SPECC1: variants seen among roughly 807,000 people sequenced by gnomAD.
SPECC1 encodes the protein sperm antigen with calponin homology and coiled-coil domains 1.
In SPECC1, 62 loss-of-function variants were observed where a neutral mutation model predicts 104.1. The ratio of observed to expected loss-of-function variants is 0.60; its 90% CI spans 0.49 to 0.74. The LOEUF is 0.74. Ranked by LOEUF, SPECC1 falls within the 30% of genes least tolerant of loss-of-function variation. SPECC1 has a pLI of 0.00. For synonymous variants in SPECC1, 513 were observed against 501.6 expected (o/e 1.02, Z -0.30); for missense variants, 1,306 against 1,310.5 (o/e 1.00, Z 0.05).
chr17:20,097,448 G>C (rs74333705), intron 2 of SPECC1, among the ~76,000 whole-genome samples: 17,062 of 152,246 alleles, frequency 0.11, 973 homozygotes, highest in Non-Finnish European at 0.13. Context: ...TATTAGCATG[G>C]ATTTCCATCT....
chr17:20,160,279 G>C (rs542286439), intron 3 of SPECC1, among the ~76,000 whole-genome samples: 17 of 152,278 alleles, frequency 1.1e-4, no homozygotes, highest in Admixed American at 9.8e-4. Context: ...ACTCAGGCTG[G>C]TGGATGCTCC....
At chr17:20,123,724 C>T (rs2049149556) in intron 3 of SPECC1, among the ~76,000 whole-genome samples, 2 of 152,186 alleles carry the variant, frequency 1.3e-5, no homozygotes, top group Non-Finnish European at 2.9e-5. Flanking sequence ...GACTTGTTTT[C>T]TTCCCTCATC....
chr17:20,076,763 A>G (rs1010748587), intron 1 of SPECC1, among the ~76,000 whole-genome samples: 4 of 152,184 alleles, frequency 2.6e-5, no homozygotes, highest in African/African-American at 9.7e-5. Context: ...TTGCTAAATT[A>G]CTTTATATCA....
chr17:20,138,192 G>C (rs2030265383), intron 3 of SPECC1, among the ~76,000 whole-genome samples: 1 of 152,096 alleles, frequency 6.6e-6, no homozygotes, highest in South Asian at 2.1e-4. Context: ...TTGAACTCAT[G>C]TTCAATCAAT....
chr17:20,047,659 G>A (rs757467444), intron 1 of SPECC1, among the ~76,000 whole-genome samples: 3 of 151,772 alleles, frequency 2.0e-5, no homozygotes, highest in East Asian at 1.9e-4. Flanking sequence ...GTGCAGTGGC[G>A]TGATCTCGGC....
chr17:20,292,763 G>A (rs2041215407), intron 12 of SPECC1, among the ~76,000 whole-genome samples: 1 of 152,194 alleles, frequency 6.6e-6, no homozygotes, highest in South Asian at 2.1e-4. Context: ...CCCAACAAAA[G>A]GCATCCTCAG....
intron 1 of SPECC1, among the ~76,000 whole-genome samples, chr17:20,083,987 T>A (rs1222154599): frequency 3.3e-5 from 5 of 152,254 alleles, no homozygotes; most frequent in Non-Finnish European, 2.9e-5. Flanking sequence ...TGACTAATGA[T>A]GTCAAGCATT....
At chr17:20,049,490 T>C (rs993708500) in intron 1 of SPECC1, among the ~76,000 whole-genome samples, 1 of 152,234 alleles carries the variant, frequency 6.6e-6, no homozygotes, top group Non-Finnish European at 1.5e-5. Flanking sequence ...GTGAACTACC[T>C]GTTCATTACC....
intron 4 of SPECC1, among the ~76,000 whole-genome samples, chr17:20,216,744 G>A (rs1429149312): frequency 1.3e-5 from 2 of 152,170 alleles, no homozygotes; most frequent in Non-Finnish European, 1.5e-5. Context: ...CATATCTACA[G>A]AAAGTTGATC....
chr17:20,090,614 T>G lies in SPECC1; in HGVS notation c.-21-6017T>G, dbSNP rs190365643. Among the ~76,000 whole-genome samples, 278 of 152,006 alleles carry G rather than the reference T, an allele frequency of 1.8e-3. 2 individuals carry two copies. Among genetic ancestry groups the G allele is most frequent in the Admixed American group, 3.7e-3 (57 of 15,282 alleles). ...TCCAAAAAAAAAAAAAAAGGGCTCT[T>G]ATTTTATTTCCATCTCCTTTTCCTA... is the stretch of plus-strand genomic sequence containing the variant. On this transcript the variant is annotated intron_variant, in intron 1 of 14. Coordinates refer to ENST00000395527, the MANE Select transcript of SPECC1 (RefSeq NM_001243439.2).
At chr17:20,262,064 A>G (rs761835011) in intron 12 of SPECC1, among the ~76,000 whole-genome samples, 8 of 152,258 alleles carry the variant, frequency 5.3e-5, no homozygotes, top group Non-Finnish European at 8.8e-5. Context: ...ATAAAAAACT[A>G]TGTAATATTT....
At chr17:20,301,549 G>A (rs1229636945) in intron 13 of SPECC1, among the ~76,000 whole-genome samples, 3 of 152,086 alleles carry the variant, frequency 2.0e-5, no homozygotes, top group Non-Finnish European at 4.4e-5. Context: ...AAATTATGAG[G>A]TGTCCCCACC....
intron 3 of SPECC1, among the ~76,000 whole-genome samples, chr17:20,141,546 C>G (rs570012887): frequency 6.6e-6 from 1 of 152,296 alleles, no homozygotes; most frequent in African/African-American, 2.4e-5. Context: ...TTTCAAGAAG[C>G]AGCTTTATTG....
At chr17:20,284,584 G>T (rs2040879748) in intron 12 of SPECC1, among the ~76,000 whole-genome samples, 1 of 152,258 alleles carries the variant, frequency 6.6e-6, no homozygotes, top group South Asian at 2.1e-4. Flanking sequence ...CACATGAAAT[G>T]TTATGTGTGC....
At chr17:20,056,461 G>A (rs767710577) in intron 1 of SPECC1, 6 of 201,536 alleles carry the variant, frequency 3.0e-5, no homozygotes, top group Non-Finnish European at 5.4e-5. Context: ...AATGAATTCC[G>A]CGATGATATG....
At chr17:20,023,866 G>A (rs1272547297) in intron 1 of SPECC1, among the ~76,000 whole-genome samples, 1 of 151,248 alleles carries the variant, frequency 6.6e-6, no homozygotes. Flanking sequence ...AAATAACCCT[G>A]ATAGAGAGCA....
chr17:20,130,622 A>G lies in SPECC1; in HGVS notation c.283+20060A>G, dbSNP rs148167125. ...GATCTATATGTCTGTCCCTCTGACA[A>G]TGCCTCATACTGTTGATTATGGTAG... On this transcript the variant is annotated intron_variant, in intron 3 of 14. Transcript: ENST00000395527. 1.3e-3 allele frequency among the ~76,000 whole-genome samples: 191 copies of G among 152,348 alleles called. No homozygotes were observed. In the East Asian group the frequency reaches 0.02, roughly 16 times the overall value.
intron 3 of SPECC1, among the ~76,000 whole-genome samples, chr17:20,197,474 A>G (rs916372518): frequency 3.3e-5 from 5 of 150,342 alleles, no homozygotes; most frequent in African/African-American, 1.2e-4. Context: ...TGAAAGTGCA[A>G]AACCCTGGCT....
chr17:20,070,747 A>G (rs1267102040), intron 1 of SPECC1, among the ~76,000 whole-genome samples: 1 of 152,178 alleles, frequency 6.6e-6, no homozygotes, highest in Admixed American at 6.5e-5. Flanking sequence ...ATTCCTACAA[A>G]TGGAATAATG....
Sources: gnomAD v4.1 joint callset for allele counts (sites outside exome capture counted in the v4.1 genomes callset) on GRCh38, gnomAD v4.1.1 for gene constraint, MANE v1.5 for transcripts, NCBI Gene and HGNC (gene_info 2026-07-23, HGNC 2026-07-21) for gene names.